The following MAF variants were observed in gnomAD, a reference collection of about 807,000 sequenced individuals.
MAF encodes transcription factor Maf.
Under a neutral mutation model 22.0 loss-of-function variants are expected in MAF, and 10 were observed. The ratio of observed to expected loss-of-function variants is 0.45; its 90% CI spans 0.28 to 0.77. The LOEUF (loss-of-function observed/expected upper bound fraction) is 0.77. MAF is among the 30% of genes least tolerant of loss of function. The pLI, the probability that MAF is intolerant of heterozygous loss-of-function variation, is 0.12. For synonymous variants in MAF, 337 were observed against 255.8 expected (o/e 1.32, Z -3.03); for missense variants, 544 against 548.4 (o/e 0.99, Z 0.08).
the MAF span, among the ~76,000 whole-genome samples, chr16:79,413,210 GTTTTTTTTTTTT>G: frequency 4.7e-5 from 3 of 63,618 alleles, no homozygotes; most frequent in Non-Finnish European, 8.9e-5. Context: ...GAGCTGTGCA[GTTTTTTTTTTTT>G]TTTTTTTTTT....
chr16:79,595,691 T>G (rs1330532370), intron 1 of MAF: 5 of 1,058,026 alleles, frequency 4.7e-6, no homozygotes, highest in Non-Finnish European at 5.7e-6. Context: ...TAAATACCAG[T>G]AAATCAAAGC....
At chr16:79,597,203 C>G (rs1360212602) in intron 1 of MAF, 2 of 1,053,276 alleles carry the variant, frequency 1.9e-6, no homozygotes, top group African/African-American at 3.3e-5. Flanking sequence ...TTTAAAAAAT[C>G]TACAGCTAAA....
At chr16:79,460,995 C>G in the MAF span, among the ~76,000 whole-genome samples, 1 of 152,120 alleles carries the variant, frequency 6.6e-6, no homozygotes, top group Non-Finnish European at 1.5e-5. Flanking sequence ...TACTGATGTA[C>G]TTATAGGCAC....
the MAF span, among the ~76,000 whole-genome samples, chr16:79,349,669 G>A: frequency 6.6e-6 from 1 of 152,152 alleles, no homozygotes; most frequent in Admixed American, 6.5e-5. Context: ...CACATGCTGG[G>A]ACTAGGGGGG....
chr16:79,440,639 T>C, the MAF span, among the ~76,000 whole-genome samples: 2 of 152,304 alleles, frequency 1.3e-5, no homozygotes, highest in South Asian at 2.1e-4. Flanking sequence ...TTTCACCATG[T>C]TGACCTCGTG....
At chr16:79,314,472 G>A in the MAF span, among the ~76,000 whole-genome samples, 11,191 of 152,238 alleles carry the variant, frequency 0.074, 919 homozygotes, top group African/African-American at 0.2. Context: ...ACACTGGACT[G>A]TACTCTATCT....
chr16:79,210,470 C>G, the MAF span, among the ~76,000 whole-genome samples: 1 of 152,112 alleles, frequency 6.6e-6, no homozygotes, highest in Non-Finnish European at 1.5e-5. Flanking sequence ...TGGGTCGGGT[C>G]GGAAAGCCAT....
the MAF span, among the ~76,000 whole-genome samples, chr16:79,309,282 C>A: frequency 6.6e-6 from 1 of 152,204 alleles, no homozygotes; most frequent in African/African-American, 2.4e-5. Context: ...CAGCTGCTTG[C>A]AAGCGCCTTG....
the MAF span, among the ~76,000 whole-genome samples, chr16:79,420,837 C>G: frequency 1.3e-5 from 2 of 152,222 alleles, no homozygotes; most frequent in Admixed American, 6.5e-5. Flanking sequence ...CAAGACCAGC[C>G]TGTCCAACGT....
At chr16:79,213,293 A>G in the MAF span, among the ~76,000 whole-genome samples, 3 of 146,888 alleles carry the variant, frequency 2.0e-5, no homozygotes, top group Admixed American at 1.3e-4. Context: ...GGTGCAGAGC[A>G]GTCGAACAAA....
chr16:79,207,104 C>T, the MAF span, among the ~76,000 whole-genome samples: 9 of 152,272 alleles, frequency 5.9e-5, no homozygotes, highest in East Asian at 3.9e-4. Context: ...AAAGACAGGG[C>T]GTGTAGACGG....
At chr16:79,208,879 C>A in the MAF span, among the ~76,000 whole-genome samples, 3 of 152,116 alleles carry the variant, frequency 2.0e-5, no homozygotes, top group Admixed American at 2.0e-4. Flanking sequence ...GTGTATGGGA[C>A]CAACAAGATA....
the MAF span, among the ~76,000 whole-genome samples, chr16:79,484,355 G>A: frequency 6.6e-6 from 1 of 152,196 alleles, no homozygotes; most frequent in African/African-American, 2.4e-5. Context: ...CCAGGAACCA[G>A]AGGGCTCAAG....
chr16:79,536,094 C>G, the MAF span, among the ~76,000 whole-genome samples: 1 of 152,178 alleles, frequency 6.6e-6, no homozygotes, highest in Non-Finnish European at 1.5e-5. Context: ...AACCCTTTCT[C>G]TAGCTATGAG....
At chr16:79,540,837 C>G in the MAF span, among the ~76,000 whole-genome samples, 5 of 152,102 alleles carry the variant, frequency 3.3e-5, no homozygotes, top group East Asian at 7.7e-4. Context: ...AGGAGTTGGT[C>G]TGTAAAAAAT....
the MAF span, among the ~76,000 whole-genome samples, chr16:79,251,712 C>T: frequency 6.6e-6 from 1 of 152,220 alleles, no homozygotes; most frequent in Non-Finnish European, 1.5e-5. Flanking sequence ...TCCCTCAGTG[C>T]AATCCCTGGG....
At chr16:79,490,062 T>A in the MAF span, among the ~76,000 whole-genome samples, 1 of 152,342 alleles carries the variant, frequency 6.6e-6, no homozygotes, top group Admixed American at 6.5e-5. Context: ...TGTCTAAGTG[T>A]CTACACCTGT....
the MAF span, among the ~76,000 whole-genome samples, chr16:79,389,706 G>A: frequency 6.6e-6 from 1 of 152,100 alleles, no homozygotes; most frequent in Non-Finnish European, 1.5e-5. Flanking sequence ...GCCGGGCATG[G>A]TGGCTCACGC....
chr16:79,569,521 T>C, the MAF span, among the ~76,000 whole-genome samples: 1 of 152,178 alleles, frequency 6.6e-6, no homozygotes. Flanking sequence ...CAATATCACC[T>C]GGAAACAGGT....
Sources: allele counts gnomAD v4.1 joint callset (sites outside exome capture counted in the v4.1 genomes callset), GRCh38; gene constraint gnomAD v4.1.1; transcripts MANE v1.5; gene names NCBI Gene and HGNC (gene_info 2026-07-23, HGNC 2026-07-21).